The following ST3GAL1 variants were observed in gnomAD, a reference collection of about 807,000 sequenced individuals.
ST3GAL1 encodes the protein CMP-N-acetylneuraminate-beta-galactosamide-alpha-2,3-sialyltransferase 1.
A neutral mutation model predicts 34.1 loss-of-function variants in ST3GAL1; 16 were observed. The ratio of observed to expected loss-of-function variants is 0.47; its 90% CI spans 0.32 to 0.71. ST3GAL1 has a LOEUF of 0.71. Among genes scored for constraint, ST3GAL1 ranks in the 30% least tolerant of loss-of-function variants. ST3GAL1 has a pLI of 0.04. For synonymous variants in ST3GAL1, 191 were observed against 184.7 expected (o/e 1.03, Z -0.28); for missense variants, 353 against 447.4 (o/e 0.79, Z 1.90).
chr8:133,494,997 C>T (rs1816902660), intron 3 of ST3GAL1, among the ~76,000 whole-genome samples: 1 of 145,474 alleles, frequency 6.9e-6, no homozygotes, highest in South Asian at 2.2e-4. Flanking sequence ...TGGCTCACTG[C>T]AACCTTCACC....
chr8:133,489,002 G>T (rs1041925090), intron 3 of ST3GAL1, among the ~76,000 whole-genome samples: 1 of 152,176 alleles, frequency 6.6e-6, no homozygotes, highest in South Asian at 2.1e-4. Flanking sequence ...CGCCCTCCCT[G>T]TGGGACAGCC....
intron 3 of ST3GAL1, among the ~76,000 whole-genome samples, chr8:133,487,184 C>T (rs553244010): frequency 6.6e-6 from 1 of 152,176 alleles, no homozygotes; most frequent in South Asian, 2.1e-4. Flanking sequence ...CGTGATCTGC[C>T]CACCTTGGCC....
At position 133,537,110 on chromosome 8, in the gene ST3GAL1, T is replaced by C. The variant is rs554047089; in HGVS notation, c.-429+8664A>G. The stretch of plus-strand genomic sequence containing the variant: ...CAACTTCTGACCAACTGGCTTCAAA[T>C]TGGGTTCCCATGACCCCCTTTCTGG... On this transcript the variant is annotated intron_variant, in intron 2 of 9. Transcript: ENST00000522652. Among the ~76,000 whole-genome samples the C allele has an allele frequency of 2.6e-5, 4 of 152,258 alleles. No homozygotes were observed. The South Asian group carries it at 6.2e-4, about 24-fold the overall frequency.
intron 7 of ST3GAL1, 75 bp from the exon 8 acceptor site, chr8:133,463,534 G>A (rs558757073): frequency 6.0e-6 from 9 of 1,502,284 alleles, no homozygotes; most frequent in Admixed American, 3.5e-5. Context: ...AGCTCTGGGG[G>A]TAGTGGCTAG....
chr8:133,559,035 TTGTGTGTGTGTG>T (rs34571050), intron 1 of ST3GAL1, among the ~76,000 whole-genome samples: 2 of 149,254 alleles, frequency 1.3e-5, no homozygotes, highest in South Asian at 4.3e-4. Flanking sequence ...GAGTGTGGTT[TTGTGTGTGTGTG>T]TGTGTGTGTG....
intron 2 of ST3GAL1, among the ~76,000 whole-genome samples, chr8:133,526,015 C>T (rs145516005): frequency 6.6e-4 from 100 of 152,262 alleles, no homozygotes; most frequent in African/African-American, 2.2e-3. Context: ...TTCCTGGTCC[C>T]TGCCAGCTCT....
chr8:133,472,706 A>G (rs1490814788), intron 5 of ST3GAL1, among the ~76,000 whole-genome samples: 1 of 152,160 alleles, frequency 6.6e-6, no homozygotes, highest in African/African-American at 2.4e-5. Context: ...CAGAGGGTGA[A>G]GCCCCATTCC....
intron 1 of ST3GAL1, among the ~76,000 whole-genome samples, chr8:133,565,860 TTC>T (rs1240790044): frequency 6.6e-6 from 1 of 151,952 alleles, no homozygotes; most frequent in African/African-American, 2.4e-5. Flanking sequence ...GGCCCAGGAG[TTC>T]TGTGTCCTTG....
chr8:133,489,353 C>G (rs112947372), intron 3 of ST3GAL1, among the ~76,000 whole-genome samples: 1,599 of 152,216 alleles, frequency 0.011, 31 homozygotes, highest in African/African-American at 0.035. Flanking sequence ...GAGCTGTGCC[C>G]CACAGAAAGC....
In ST3GAL1 at chr8:133,469,182, T is replaced by C. The variant is rs764843059; in HGVS notation, c.307-3092A>G. Among the ~76,000 whole-genome samples, 18 of 152,212 alleles carry C rather than the reference T, an allele frequency of 1.2e-4. No homozygotes were observed. The highest frequency in any genetic ancestry group is 2.1e-4 in the Non-Finnish European group (14 of 68,040). On this transcript the variant is annotated intron_variant, in intron 5 of 9. Transcript: ENST00000522652. The surrounding 1 kb of genome is among the most constrained non-coding windows in gnomAD (Gnocchi z 4.3). ...CTCTGACTGACTTACTTTTCTTTAA[T>C]GACTTATTTAAGAAAAATAAATTGA...
At chr8:133,524,359 A>C (rs1456444086) in intron 2 of ST3GAL1, among the ~76,000 whole-genome samples, 1 of 152,230 alleles carries the variant, frequency 6.6e-6, no homozygotes, top group Non-Finnish European at 1.5e-5. Context: ...CAGAGCTCTC[A>C]ACAACCAGGC....
At chr8:133,522,872 G>A (rs188246358) in intron 2 of ST3GAL1, among the ~76,000 whole-genome samples, 1 of 152,238 alleles carries the variant, frequency 6.6e-6, no homozygotes, top group East Asian at 1.9e-4. Context: ...CCCTCACCAG[G>A]CGAGGGAAGG....
At chr8:133,488,867 C>CA (rs1816695671) in intron 3 of ST3GAL1, among the ~76,000 whole-genome samples, 1 of 111,648 alleles carries the variant, frequency 9.0e-6, no homozygotes, top group African/African-American at 3.8e-5. Context: ...CACTGGCAGA[C>CA]AGGGGGGGCC....
At chr8:133,482,048 A>T (rs1816416443) in intron 3 of ST3GAL1, among the ~76,000 whole-genome samples, 1 of 151,870 alleles carries the variant, frequency 6.6e-6, no homozygotes, top group South Asian at 2.1e-4. Flanking sequence ...ACTGCCAAAC[A>T]CTCTGAACTG....
intron 2 of ST3GAL1, among the ~76,000 whole-genome samples, chr8:133,525,179 G>A (rs1817930344): frequency 6.6e-6 from 1 of 152,224 alleles, no homozygotes; most frequent in African/African-American, 2.4e-5. Context: ...GACCTGCAGT[G>A]GGTAGCTCGT....
chr8:133,461,242 G>A lies in ST3GAL1; in HGVS notation c.849+633C>T, dbSNP rs1815486019. On this transcript the variant is annotated intron_variant, in intron 9 of 9. Transcript: ENST00000522652. This position sits in a 1 kb window ranked among gnomAD's most constrained non-coding sequence, Gnocchi z 4.7. Reference sequence around the variant, plus strand: ...CTGAATGAGACAAGAAGGGACACGTGAGGGCCCTGCCTGAACCCAACATCA... The same window carrying A: ...CTGAATGAGACAAGAAGGGACACGTAAGGGCCCTGCCTGAACCCAACATCA... Among the ~76,000 whole-genome samples the A allele has an allele frequency of 6.6e-6, 1 of 152,192 alleles. No individual in the cohort carries two copies. Among genetic ancestry groups the A allele is most frequent in the African/African-American group, 2.4e-5 (1 of 41,440 alleles).
chr8:133,535,373 C>T (rs1285329085), intron 2 of ST3GAL1, among the ~76,000 whole-genome samples: 1 of 152,218 alleles, frequency 6.6e-6, no homozygotes, highest in Non-Finnish European at 1.5e-5. Flanking sequence ...GGCATATTCA[C>T]TTAATCAGAC....
At chr8:133,535,741 A>C (rs1433739044) in intron 2 of ST3GAL1, among the ~76,000 whole-genome samples, 1 of 152,166 alleles carries the variant, frequency 6.6e-6, no homozygotes, top group Non-Finnish European at 1.5e-5. Context: ...TGCCCGCCCC[A>C]GCCTCCCAAA....
intron 4 of ST3GAL1, 90 bp from the exon 5 acceptor site, chr8:133,476,164 C>T (rs1474887082): frequency 1.3e-5 from 12 of 940,556 alleles, no homozygotes; most frequent in East Asian, 5.4e-5. Context: ...ACACAAGGGC[C>T]GCTAAGCTCG....
Sources: gnomAD v4.1 joint callset for allele counts (sites outside exome capture counted in the v4.1 genomes callset) on GRCh38, gnomAD v4.1.1 for gene constraint, Gnocchi (gnomAD v3.1) non-coding constraint, MANE v1.5 for transcripts, NCBI Gene and HGNC (gene_info 2026-07-23, HGNC 2026-07-21) for gene names.